HMGCLL1: variants seen among roughly 807,000 people sequenced by gnomAD.
HMGCLL1 encodes the protein 3-hydroxymethyl-3-methylglutaryl-CoA lyase, cytoplasmic.
In HMGCLL1, 36 loss-of-function variants were observed where a neutral mutation model predicts 39.1. The observed-to-expected ratio is 0.92, with a 90% CI of 0.71 to 1.22. The LOEUF (loss-of-function observed/expected upper bound fraction) is 1.22, where lower values mean the gene tolerates loss of function less well. HMGCLL1 is among the 50% of genes most tolerant of loss of function. The pLI is 0.00. For missense variants in HMGCLL1, 451 were observed against 416.5 expected (o/e 1.08, Z -0.72); for synonymous variants, 149 against 144.0 (o/e 1.03, Z -0.25).
At chr6:55,634,770 G>A in the HMGCLL1 span, among the ~76,000 whole-genome samples, 1 of 152,124 alleles carries the variant, frequency 6.6e-6, no homozygotes, top group East Asian at 1.9e-4. Context: ...TCCCTCAGAA[G>A]AGAATTTTAG....
At chr6:55,591,799 C>G in the HMGCLL1 span, among the ~76,000 whole-genome samples, 1 of 151,458 alleles carries the variant, frequency 6.6e-6, no homozygotes, top group Non-Finnish European at 1.5e-5. Flanking sequence ...ATAATGGAAT[C>G]CTTTTCTTAC....
chr6:55,507,270 T>C (rs1452093023), intron 5 of HMGCLL1, among the ~76,000 whole-genome samples: 1 of 151,542 alleles, frequency 6.6e-6, no homozygotes, highest in African/African-American at 2.4e-5. Context: ...ATAAAAAGAG[T>C]ATACATAGGG....
the HMGCLL1 span, among the ~76,000 whole-genome samples, chr6:55,659,555 G>C: frequency 6.6e-6 from 1 of 151,888 alleles, no homozygotes; most frequent in African/African-American, 2.4e-5. Context: ...GCAATTAGAA[G>C]AGGGTGATTT....
At chr6:55,549,297 C>T (rs2127463453) in intron 1 of HMGCLL1, among the ~76,000 whole-genome samples, 1 of 151,872 alleles carries the variant, frequency 6.6e-6, no homozygotes, top group Non-Finnish European at 1.5e-5. Flanking sequence ...TGATCTCACA[C>T]TCTCCCACCT....
chr6:55,467,674 C>T (rs1420907285), intron 7 of HMGCLL1, among the ~76,000 whole-genome samples: 4 of 151,990 alleles, frequency 2.6e-5, no homozygotes, highest in Non-Finnish European at 5.9e-5. Flanking sequence ...ACAAATTACT[C>T]ATTGGGATAT....
chr6:55,612,001 G>C, the HMGCLL1 span, among the ~76,000 whole-genome samples: 2 of 152,188 alleles, frequency 1.3e-5, no homozygotes, highest in African/African-American at 4.8e-5. Context: ...AATAGGAAGA[G>C]AGGAAGTAAA....
intron 1 of HMGCLL1, chr6:55,577,101 C>G (rs1389676571): frequency 3.1e-6 from 5 of 1,613,348 alleles, no homozygotes; most frequent in Middle Eastern, 1.7e-4. Flanking sequence ...GCCACCGTGC[C>G]TGCCAAGGAG....
the HMGCLL1 span, among the ~76,000 whole-genome samples, chr6:55,613,708 A>G: frequency 1.3e-5 from 2 of 152,186 alleles, no homozygotes; most frequent in Non-Finnish European, 2.9e-5. Context: ...TTTCTCACTC[A>G]TAAGTGGGAA....
At chr6:55,624,571 A>C in the HMGCLL1 span, among the ~76,000 whole-genome samples, 1 of 152,186 alleles carries the variant, frequency 6.6e-6, no homozygotes, top group Non-Finnish European at 1.5e-5. Flanking sequence ...CTCCTGCAAG[A>C]TATCACATTG....
the HMGCLL1 span, among the ~76,000 whole-genome samples, chr6:55,606,605 G>T: frequency 6.6e-6 from 1 of 151,788 alleles, no homozygotes; most frequent in Non-Finnish European, 1.5e-5. Context: ...TTTTTATATG[G>T]GATGATCTAC....
At chr6:55,547,474 A>G (rs1284446530) in intron 1 of HMGCLL1, among the ~76,000 whole-genome samples, 1 of 152,020 alleles carries the variant, frequency 6.6e-6, no homozygotes, top group Non-Finnish European at 1.5e-5. Context: ...GGAAAATAAC[A>G]TCATCTATAG....
chr6:55,607,549 T>TGAG, the HMGCLL1 span, among the ~76,000 whole-genome samples: 1 of 152,124 alleles, frequency 6.6e-6, no homozygotes, highest in Non-Finnish European at 1.5e-5. Flanking sequence ...ATGCCCTTTC[T>TGAG]CACGGCCGCC....
rs141077502 is a variant in HMGCLL1 at position 55,437,757 on chromosome 6, G to A, written c.921+1677C>T. Among the ~76,000 whole-genome samples, 1,231 of 152,132 alleles carry A rather than the reference G, an allele frequency of 8.1e-3. 13 individuals are homozygous for A. Among genetic ancestry groups the A allele is most frequent in the African/African-American group, 0.028 (1,157 of 41,540 alleles). ...GTAACCCTTTGATGGTAGCATGGAAGATAGATTTTAAAGGCAAGTCTGGAG... is the reference window on the plus strand; with the variant it reads ...GTAACCCTTTGATGGTAGCATGGAAAATAGATTTTAAAGGCAAGTCTGGAG... On this transcript the variant is annotated intron_variant, in intron 8 of 8. Transcript: ENST00000274901.
At chr6:55,577,096 C>G (rs776475553) in intron 1 of HMGCLL1, 1 of 1,613,212 alleles carries the variant, frequency 6.2e-7, no homozygotes, top group Non-Finnish European at 8.5e-7. Flanking sequence ...TACAAGCCAC[C>G]GTGCCTGCCA....
At chr6:55,592,275 T>C in the HMGCLL1 span, among the ~76,000 whole-genome samples, 476 of 152,140 alleles carry the variant, frequency 3.1e-3, 4 homozygotes, top group African/African-American at 0.011. Context: ...ATTACCCTAA[T>C]TTTTATACTA....
chr6:55,497,500 T>A (rs2127425143), intron 6 of HMGCLL1, among the ~76,000 whole-genome samples: 1 of 152,126 alleles, frequency 6.6e-6, no homozygotes, highest in African/African-American at 2.4e-5. Context: ...TCCCAGGATA[T>A]AATGGGGAAA....
the HMGCLL1 span, among the ~76,000 whole-genome samples, chr6:55,610,899 G>A: frequency 6.6e-6 from 1 of 152,028 alleles, no homozygotes; most frequent in East Asian, 1.9e-4. Context: ...TTAAAAAAAA[G>A]AATTTTTCAA....
At chr6:55,644,755 A>C in the HMGCLL1 span, among the ~76,000 whole-genome samples, 4 of 151,890 alleles carry the variant, frequency 2.6e-5, no homozygotes, top group East Asian at 7.7e-4. Flanking sequence ...CTATTGGCCT[A>C]TGTGTCTGTT....
chr6:55,533,180 T>C (rs140922683), intron 3 of HMGCLL1, among the ~76,000 whole-genome samples: 1 of 151,744 alleles, frequency 6.6e-6, no homozygotes, highest in African/African-American at 2.4e-5. Flanking sequence ...AAATCAAATA[T>C]ACTGCCACAT....
Sources: allele counts gnomAD v4.1 joint callset (sites outside exome capture counted in the v4.1 genomes callset), GRCh38; gene constraint gnomAD v4.1.1; transcripts MANE v1.5; gene names NCBI Gene and HGNC (gene_info 2026-07-23, HGNC 2026-07-21).